ALDH1A3: variants seen among roughly 807,000 people sequenced by gnomAD.
ALDH1A3 encodes retinaldehyde dehydrogenase 3.
Under a neutral mutation model 57.5 loss-of-function variants are expected in ALDH1A3, and 28 were observed. That is an observed-to-expected ratio of 0.49 (90% CI 0.36 to 0.67). ALDH1A3 has a LOEUF of 0.67. ALDH1A3 is among the 30% of genes least tolerant of loss of function. The pLI is 0.00. For missense variants in ALDH1A3, 507 were observed against 669.4 expected (o/e 0.76, Z 2.68); for synonymous variants, 281 against 264.8 (o/e 1.06, Z -0.59).
At chr15:100,901,100 T>C (rs1187746056) in intron 9 of ALDH1A3, among the ~76,000 whole-genome samples, 1 of 151,882 alleles carries the variant, frequency 6.6e-6, no homozygotes, top group East Asian at 1.9e-4. Context: ...TGGCCTGGAG[T>C]CTCAGTCGCA....
intron 7 of ALDH1A3, among the ~76,000 whole-genome samples, chr15:100,896,752 T>A (rs933279153): frequency 6.6e-6 from 1 of 152,244 alleles, no homozygotes; most frequent in African/African-American, 2.4e-5. Flanking sequence ...CAGGGACATA[T>A]TTTCAAGGAT....
At chr15:100,890,774 A>G (rs1334596059) in intron 3 of ALDH1A3, among the ~76,000 whole-genome samples, 1 of 152,222 alleles carries the variant, frequency 6.6e-6, no homozygotes, top group Admixed American at 6.5e-5. Flanking sequence ...AGAAAAGAGC[A>G]AAGAATAAAC....
At chr15:100,895,575 C>G (rs907200197) in intron 6 of ALDH1A3, 2 of 284,750 alleles carry the variant, frequency 7.0e-6, no homozygotes, top group South Asian at 6.7e-5. Flanking sequence ...CACACACTCT[C>G]CCTCACACAC....
At chr15:100,897,383 A>G (rs973652005) in intron 7 of ALDH1A3, among the ~76,000 whole-genome samples, 9 of 151,288 alleles carry the variant, frequency 5.9e-5, no homozygotes, top group African/African-American at 2.2e-4. Flanking sequence ...TTGTTGCCCT[A>G]GATAAGTCAC....
intron 12 of ALDH1A3, among the ~76,000 whole-genome samples, chr15:100,908,981 C>G (rs2041853822): frequency 6.6e-6 from 1 of 152,138 alleles, no homozygotes; most frequent in Admixed American, 6.5e-5. Context: ...GCGGCCCTCT[C>G]AGTATATGCA....
chr15:100,891,414 G>C (rs2041648175), intron 3 of ALDH1A3, among the ~76,000 whole-genome samples: 1 of 152,230 alleles, frequency 6.6e-6, no homozygotes, highest in Non-Finnish European at 1.5e-5. Flanking sequence ...CTGCCCTGCA[G>C]TCTTTCCAGA....
intron 1 of ALDH1A3, 86 bp from the exon 2 acceptor site, chr15:100,885,181 A>T (rs997310445): frequency 2.1e-6 from 2 of 932,262 alleles, no homozygotes; most frequent in Non-Finnish European, 3.5e-6. Flanking sequence ...GACAAGATGG[A>T]TAAGACGTCA....
At chr15:100,907,415 C>T (rs924076701) in intron 11 of ALDH1A3, 137 bp downstream of exon 11, 43 of 997,796 alleles carry the variant, frequency 4.3e-5, no homozygotes, top group Non-Finnish European at 5.9e-5. Flanking sequence ...TTCCTTCCAT[C>T]CTCATGACCA....
Position 100,914,519 on chromosome 15 carries a change from T to C in ALDH1A3, c.1467-182T>C, listed in dbSNP as rs947744161. The C allele has an allele frequency of 3.9e-4, 216 of 556,148 alleles. 1 individual carries two copies. The highest frequency in any genetic ancestry group is 4.8e-5 in the Non-Finnish European group (15 of 309,514). 34.5% of individuals were successfully genotyped at this position (556,148 alleles called of 1,614,324 possible). On this transcript the variant is annotated intron_variant, in intron 12 of 12. Coordinates refer to ENST00000329841, the MANE Select transcript of ALDH1A3 (RefSeq NM_000693.4). ...TTGATATTTACATTTAAGTCACATATGCAGCTACTGACACTTACTAGTGCT... is the reference window on the plus strand; with the variant it reads ...TTGATATTTACATTTAAGTCACATACGCAGCTACTGACACTTACTAGTGCT...
chr15:100,886,737 G>A (rs145875130), intron 2 of ALDH1A3, among the ~76,000 whole-genome samples: 6 of 152,308 alleles, frequency 3.9e-5, no homozygotes, highest in African/African-American at 1.4e-4. Context: ...TAGAAAGAAG[G>A]TTCCGTTGTG....
rs149748337 is a variant in ALDH1A3, at chr15:100,902,873, C to A, written c.1068+2114C>A. On this transcript the variant is annotated intron_variant, in intron 9 of 12. Transcript: ENST00000329841. ...GCACTGCCTGCAGGACAAACAGGGT[C>A]TGCCAGATGGCATATGCCCAGCAGC... Among the ~76,000 whole-genome samples, 147 of 152,370 alleles carry A rather than the reference C, an allele frequency of 9.6e-4. 3 individuals carry two copies. In the East Asian group the frequency reaches 0.023, roughly 24 times the overall value.
intron 8 of ALDH1A3, 106 bp downstream of exon 8, chr15:100,898,291 C>T: frequency 1.0e-6 from 1 of 974,200 alleles, no homozygotes; most frequent in South Asian, 1.7e-5. Flanking sequence ...GATGTGTGCA[C>T]ACACAGTGGG....
chr15:100,884,853 AG>A (rs2041580129), intron 1 of ALDH1A3, among the ~76,000 whole-genome samples: 1 of 152,176 alleles, frequency 6.6e-6, no homozygotes, highest in Admixed American at 6.5e-5. Context: ...CTTCAGGGGC[AG>A]GCGGACTGCT....
chr15:100,915,149 A>C lies in ALDH1A3; in HGVS notation c.*376A>C, dbSNP rs1596138753. The stretch of plus-strand genomic sequence containing the variant: ...CTGACTCCAGTAAGAATGTGGGAAA[A>C]CCCCCTGTGTGTTCTGCAAGCAGGG... On this transcript the variant is annotated 3_prime_UTR_variant, in exon 13 of 13. Transcript: ENST00000329841. 4.7e-6 allele frequency: 1 copy of C among 211,766 alleles called. No homozygotes were observed. Among genetic ancestry groups the C allele is most frequent in the South Asian group, 8.9e-5 (1 of 11,250 alleles). 13.1% of individuals were successfully genotyped at this position (211,766 alleles called of 1,614,324 possible).
At position 100,915,741 on chromosome 15, in the gene ALDH1A3, TAC is replaced by T. The variant is rs1274317989; in HGVS notation, c.*972_*973del. The T allele has an allele frequency of 1.3e-5, 2 of 152,272 alleles. No individual in the cohort carries two copies. Among genetic ancestry groups the T allele is most frequent in the African/African-American group, 4.8e-5 (2 of 41,476 alleles). The allele number at this position is 152,272 out of a possible 1,614,324, so 9.4% of individuals were successfully genotyped here. A position where few individuals can be genotyped will look rare whatever the true frequency, so the allele number is the denominator to read the frequency against. ...TTACCCAATTTAGATTAGTAAAGCG[TAC>T]ACAACTGGAAAGACTGCTGTAATAA... On this transcript the variant is annotated 3_prime_UTR_variant, in exon 13 of 13. Transcript: ENST00000329841.
intron 1 of ALDH1A3, among the ~76,000 whole-genome samples, chr15:100,882,854 G>C (rs531951326): frequency 2.2e-4 from 33 of 152,220 alleles, no homozygotes; most frequent in African/African-American, 7.7e-4. Flanking sequence ...TTGTGCTTTT[G>C]TTTTGTTTTA....
Position 100,879,833 on chromosome 15 carries a change from C to T in ALDH1A3, c.-75C>T. The stretch of plus-strand genomic sequence containing the variant: ...CGGCGGGGAGCTGCCACCCCGGGAG[C>T]GGGCTGCGCAGTGTCCGGGCCGAGC... On this transcript the variant is annotated 5_prime_UTR_variant, in exon 1 of 13. Transcript: ENST00000329841. The T allele has an allele frequency of 2.7e-6, 3 of 1,104,786 alleles. No homozygotes were observed. Among genetic ancestry groups the T allele is most frequent in the Non-Finnish European group, 2.3e-6 (2 of 858,400 alleles). The allele number at this position is 1,104,786 out of a possible 1,614,324, so 68.4% of individuals were successfully genotyped here.
At chr15:100,913,770 C>G (rs1388727052) in intron 12 of ALDH1A3, 2 of 152,312 alleles carry the variant, frequency 1.3e-5, no homozygotes, top group Non-Finnish European at 2.9e-5. Context: ...AGAGGTGAGG[C>G]TGATGCTGCT....
rs2041672842 is a variant in ALDH1A3 at position 100,893,568 on chromosome 15, G to A, written c.538-386G>A. 5.4e-6 allele frequency: 1 copy of A among 186,144 alleles called. No homozygotes were observed. The highest frequency in any genetic ancestry group is 2.3e-5 in the African/African-American group (1 of 42,782). 11.5% of individuals were successfully genotyped at this position (186,144 alleles called of 1,614,324 possible). A position where few individuals can be genotyped will look rare whatever the true frequency, so the allele number is the denominator to read the frequency against. On this transcript the variant is annotated intron_variant, in intron 5 of 12. Transcript: ENST00000329841. The surrounding 1 kb of genome is among the most constrained non-coding windows in gnomAD (Gnocchi z 4.8). ...GGTGCCCAAGAAGTGCAACAATGCT[G>A]CCTGTCTGTTTGGGAAGCCTCTGGC...
Sources: allele counts gnomAD v4.1 joint callset (sites outside exome capture counted in the v4.1 genomes callset), GRCh38; gene constraint gnomAD v4.1.1; non-coding constraint Gnocchi (gnomAD v3.1); transcripts MANE v1.5; gene names NCBI Gene and HGNC (gene_info 2026-07-23, HGNC 2026-07-21).